Variants in SCHIP1 observed in about 807,000 individuals in gnomAD.
The protein encoded by SCHIP1 is schwannomin-interacting protein 1.
A neutral mutation model predicts 29.7 loss-of-function variants in SCHIP1; 8 were observed. The ratio of observed to expected loss-of-function variants is 0.27; its 90% CI spans 0.16 to 0.49. The LOEUF (loss-of-function observed/expected upper bound fraction) is 0.49, where lower values mean the gene tolerates loss of function less well. Ranked by LOEUF, SCHIP1 falls within the 20% of genes least tolerant of loss-of-function variation. The pLI, the probability that SCHIP1 is intolerant of heterozygous loss-of-function variation, is 0.99. For missense variants in SCHIP1, 193 were observed against 294.6 expected (o/e 0.66, Z 2.52); for synonymous variants, 76 against 94.9 (o/e 0.80, Z 1.16).
At chr3:159,312,310 A>T in the SCHIP1 span, among the ~76,000 whole-genome samples, 5 of 152,138 alleles carry the variant, frequency 3.3e-5, no homozygotes, top group African/African-American at 1.2e-4. Flanking sequence ...GATTGGTGAG[A>T]AAGTGGTGAT....
chr3:159,277,414 A>G, the SCHIP1 span, among the ~76,000 whole-genome samples: 3 of 152,318 alleles, frequency 2.0e-5, no homozygotes, highest in African/African-American at 7.2e-5. Flanking sequence ...TCCTGGAAAT[A>G]TAAATACAAG....
At chr3:159,558,834 A>G in the SCHIP1 span, among the ~76,000 whole-genome samples, 1 of 152,098 alleles carries the variant, frequency 6.6e-6, no homozygotes, top group African/African-American at 2.4e-5. Context: ...CCCTGTCTCC[A>G]TTGTAATCCC....
the SCHIP1 span, among the ~76,000 whole-genome samples, chr3:159,658,880 T>C: frequency 2.0e-5 from 3 of 152,212 alleles, no homozygotes; most frequent in Non-Finnish European, 4.4e-5. Context: ...ATTTTAGTTA[T>C]AGGAGCCAAA....
At chr3:159,880,245 G>A (rs1716299275) in intron 2 of SCHIP1, among the ~76,000 whole-genome samples, 1 of 152,010 alleles carries the variant, frequency 6.6e-6, no homozygotes, top group Non-Finnish European at 1.5e-5. Context: ...ACTACTGGAG[G>A]GTCAGCTTTT....
the SCHIP1 span, among the ~76,000 whole-genome samples, chr3:159,594,576 C>CA: frequency 2.0e-5 from 3 of 152,174 alleles, no homozygotes; most frequent in Non-Finnish European, 4.4e-5. Flanking sequence ...GTACCCATCA[C>CA]AAATGATGCA....
chr3:159,335,006 TCTC>T, the SCHIP1 span, among the ~76,000 whole-genome samples: 17 of 151,892 alleles, frequency 1.1e-4, no homozygotes, highest in Admixed American at 1.1e-3. Flanking sequence ...TTCAGGCAAT[TCTC>T]CTGCCTCAGC....
the SCHIP1 span, among the ~76,000 whole-genome samples, chr3:159,563,118 C>CAG: frequency 1.3e-5 from 2 of 152,298 alleles, no homozygotes; most frequent in Admixed American, 6.5e-5. Context: ...ACTGCATCTG[C>CAG]AGATGCCATT....
the SCHIP1 span, among the ~76,000 whole-genome samples, chr3:159,326,892 T>C: frequency 6.6e-6 from 1 of 152,190 alleles, no homozygotes; most frequent in Non-Finnish European, 1.5e-5. Flanking sequence ...CAGATCCAGA[T>C]AGAATTATCC....
At chr3:159,708,798 C>T in the SCHIP1 span, among the ~76,000 whole-genome samples, 2 of 152,196 alleles carry the variant, frequency 1.3e-5, no homozygotes, top group African/African-American at 4.8e-5. Flanking sequence ...GAACCTCAAG[C>T]CATGGAAGTA....
chr3:159,729,297 C>T, the SCHIP1 span, among the ~76,000 whole-genome samples: 1 of 152,212 alleles, frequency 6.6e-6, no homozygotes, highest in Admixed American at 6.5e-5. Context: ...TACAAAAAGC[C>T]TTCCCAATAA....
chr3:159,763,950 C>A, the SCHIP1 span: 3 of 146,196 alleles, frequency 2.1e-5, no homozygotes, highest in African/African-American at 2.5e-5. Context: ...AGGGGCGGGG[C>A]GGGGCGGGGC....
chr3:159,480,898 A>G, the SCHIP1 span, among the ~76,000 whole-genome samples: 8 of 152,140 alleles, frequency 5.3e-5, no homozygotes, highest in African/African-American at 1.9e-4. Flanking sequence ...AAAGAGGGTC[A>G]GCGAAGGGAG....
the SCHIP1 span, among the ~76,000 whole-genome samples, chr3:159,333,591 T>A: frequency 6.6e-6 from 1 of 152,048 alleles, no homozygotes; most frequent in African/African-American, 2.4e-5. Context: ...TACAATACCA[T>A]CCTCAACGAA....
chr3:159,349,748 G>T, the SCHIP1 span, among the ~76,000 whole-genome samples: 1 of 152,090 alleles, frequency 6.6e-6, no homozygotes, highest in Non-Finnish European at 1.5e-5. Context: ...ATCACCTCTA[G>T]GGTCTTCGGG....
the SCHIP1 span, among the ~76,000 whole-genome samples, chr3:159,530,552 C>T: frequency 6.6e-6 from 1 of 152,198 alleles, no homozygotes; most frequent in African/African-American, 2.4e-5. Context: ...ATATCCATCT[C>T]CTTTGCTCAT....
At chr3:159,888,107 A>G in intron 4 of SCHIP1, 1 of 718,952 alleles carries the variant, frequency 1.4e-6, no homozygotes, top group South Asian at 2.0e-5. Flanking sequence ...AGATTTCACA[A>G]AAGTAAAGTT....
At chr3:159,609,815 T>C in the SCHIP1 span, among the ~76,000 whole-genome samples, 31 of 152,096 alleles carry the variant, frequency 2.0e-4, no homozygotes, top group Non-Finnish European at 3.7e-4. Flanking sequence ...TTTACAGCAC[T>C]GATATGATTA....
At chr3:159,619,197 T>A in the SCHIP1 span, among the ~76,000 whole-genome samples, 4 of 152,218 alleles carry the variant, frequency 2.6e-5, no homozygotes, top group African/African-American at 9.6e-5. Context: ...TTTCTCCTCT[T>A]TTTTAATGGA....
chr3:159,745,380 A>G, the SCHIP1 span, among the ~76,000 whole-genome samples: 2,029 of 152,330 alleles, frequency 0.013, 28 homozygotes, highest in African/African-American at 0.032. Flanking sequence ...GCCTGCTCCC[A>G]GGTAGAGTGT....
Sources: allele counts gnomAD v4.1 joint callset (sites outside exome capture counted in the v4.1 genomes callset), GRCh38; gene constraint gnomAD v4.1.1; transcripts MANE v1.5; gene names NCBI Gene and HGNC (gene_info 2026-07-23, HGNC 2026-07-21).